The following ATP10D variants were observed in gnomAD, a reference collection of about 807,000 sequenced individuals.
The protein encoded by ATP10D is ATPase phospholipid transporting 10D (putative), also known as phospholipid-transporting ATPase VD.
A neutral mutation model predicts 144.8 loss-of-function variants in ATP10D; 89 were observed. The ratio of observed to expected loss-of-function variants is 0.61; its 90% CI spans 0.52 to 0.73. The LOEUF is 0.73. Among genes scored for constraint, ATP10D ranks in the 30% least tolerant of loss-of-function variants. The pLI is 0.00. For missense variants in ATP10D, 1,603 were observed against 1,714.8 expected, an observed-to-expected ratio of 0.93 and a Z score of 1.15; for synonymous variants, 571 against 615.1, an observed-to-expected ratio of 0.93 and a Z score of 1.06.
chr4:47,517,381 A>G (rs992182452), intron 3 of ATP10D, among the ~76,000 whole-genome samples: 2 of 152,190 alleles, frequency 1.3e-5, no homozygotes, highest in Non-Finnish European at 2.9e-5. Flanking sequence ...TGGCCACTAC[A>G]CTCCAATCCG....
intron 1 of ATP10D, among the ~76,000 whole-genome samples, chr4:47,504,860 A>G (rs1715935814): frequency 6.6e-6 from 1 of 152,234 alleles, no homozygotes; most frequent in Admixed American, 6.5e-5. Flanking sequence ...AAATCCATAG[A>G]TACGAAATTT....
intron 21 of ATP10D, among the ~76,000 whole-genome samples, chr4:47,586,403 G>A (rs1720794399): frequency 6.6e-6 from 1 of 152,224 alleles, no homozygotes; most frequent in African/African-American, 2.4e-5. Flanking sequence ...TCCTCTCAGA[G>A]AACTTCTTGG....
At chr4:47,491,353 G>T in intron 1 of ATP10D, 1 of 754,652 alleles carries the variant, frequency 1.3e-6, no homozygotes, top group Non-Finnish European at 2.4e-6. Flanking sequence ...CCAATATCAC[G>T]TCTCTTATAG....
At position 47,535,607 on chromosome 4, in the gene ATP10D, T is replaced by C. The variant is rs776638541; in HGVS notation, c.875T>C (p.Val292Ala). 11 of 1,610,300 alleles carry C rather than the reference T, an allele frequency of 6.8e-6. No homozygotes were observed. The highest frequency in any genetic ancestry group is 2.7e-5 in the African/African-American group (2 of 74,680). ...RNTEAVVGIVVYAGHETKAML... is the reference protein window; with the variant it reads ...RNTEAVVGIVAYAGHETKAML... ...ACAGAGGCTGTTGTGGGCATTGTGGTTTATGCAGGTCGGTTATGTTTCTAA... is the reference window on the plus strand; with the variant it reads ...ACAGAGGCTGTTGTGGGCATTGTGGCTTATGCAGGTCGGTTATGTTTCTAA... The change falls in exon 6 of 23, where the codon GTT becomes GCT. Residue 292 changes from valine (V) to alanine (A), a missense_variant. Physicochemically the swap from Val to Ala is moderately conservative, Grantham distance 64 (BLOSUM62 0). Coordinates refer to ENST00000273859, the MANE Select transcript of ATP10D (RefSeq NM_020453.4).
chr4:47,565,059 C>T (rs1234247217), intron 15 of ATP10D, among the ~76,000 whole-genome samples: 2 of 152,182 alleles, frequency 1.3e-5, no homozygotes, highest in Non-Finnish European at 2.9e-5. Flanking sequence ...CCCGGGTTCA[C>T]GCCATTCTCC....
intron 11 of ATP10D, among the ~76,000 whole-genome samples, chr4:47,555,950 C>T (rs1577680033): frequency 1.3e-5 from 2 of 152,242 alleles, no homozygotes; most frequent in East Asian, 3.9e-4. Context: ...GACAGGGTTT[C>T]ACCATGTTGG....
chr4:47,502,543 A>G (rs1167690876), intron 1 of ATP10D, among the ~76,000 whole-genome samples: 1 of 149,522 alleles, frequency 6.7e-6, no homozygotes, highest in African/African-American at 2.4e-5. Context: ...TGGACCATCC[A>G]TAAAATATAT....
In ATP10D at chr4:47,568,991, C is replaced by T. The variant is rs1231349219; in HGVS notation, c.3008C>T (p.Thr1003Ile). The change falls in exon 16 of 23, where the codon ACC (threonine) becomes ATC (isoleucine). Residue 1003 changes from threonine (T) to isoleucine (I), a missense_variant. Transcript: ENST00000273859. ...LRAGLIITGK[T>I]LEFALQESLQ... ...GCTGGACTCATTATCACTGGGAAGA[C>T]CCTGGAGTTTGCCCTGCAAGAAAGT... is the stretch of plus-strand genomic sequence containing the variant. 3 of 1,614,190 alleles carry T rather than the reference C, an allele frequency of 1.9e-6. No individual in the cohort carries two copies. The highest frequency in any genetic ancestry group is 1.7e-5 in the Admixed American group (1 of 60,030).
At chr4:47,534,498 G>A (rs748370212) in intron 5 of ATP10D, among the ~76,000 whole-genome samples, 1 of 152,154 alleles carries the variant, frequency 6.6e-6, no homozygotes, top group Non-Finnish European at 1.5e-5. Context: ...TTAAGCGCCT[G>A]TAGGGCCATG....
intron 18 of ATP10D, 33 bp downstream of exon 18, chr4:47,573,030 C>T (rs372903261): frequency 1.7e-5 from 27 of 1,608,220 alleles, no homozygotes; most frequent in African/African-American, 1.2e-4. Context: ...TCCCTTTTCC[C>T]TTCGTACCTT....
chr4:47,558,856 GT>G (rs1167097938), intron 12 of ATP10D, 66 bp from the exon 13 acceptor site: 1 of 1,310,668 alleles, frequency 7.6e-7, no homozygotes, highest in East Asian at 2.3e-5. Flanking sequence ...AACTACTATT[GT>G]TTTAAAAAGT....
Position 47,512,647 on chromosome 4 carries a change from G to A in ATP10D, c.107G>A (p.Cys36Tyr). 1 of 1,614,168 alleles carries A rather than the reference G, an allele frequency of 6.2e-7. No homozygotes were observed. The change falls in exon 2 of 23, where the codon TGT becomes TAT. Residue 36 changes from cysteine (C) to tyrosine (Y), a missense_variant. Cys to Tyr is a radical substitution (Grantham distance 194, BLOSUM62 -2). Coordinates refer to ENST00000273859, the MANE Select transcript of ATP10D (RefSeq NM_020453.4). ...TACAACTATTCCTCGTTGCTCGCCT[G>A]TGGGCGCAAGTCCTCTCAGACCCCT... is the stretch of plus-strand genomic sequence containing the variant. ...GPYNYSSLLACGRKSSQTPKL... is the reference protein window; with the variant it reads ...GPYNYSSLLAYGRKSSQTPKL...
intron 22 of ATP10D, 65 bp from the exon 23 acceptor site, chr4:47,590,975 TTG>T: frequency 9.5e-7 from 1 of 1,051,442 alleles, no homozygotes; most frequent in Non-Finnish European, 1.3e-6. Flanking sequence ...TCGTTAGTAT[TTG>T]GGGGGGGGGG....
At position 47,572,787 on chromosome 4, in the gene ATP10D, C is replaced by T. The variant is rs1230708623; in HGVS notation, c.3241-85C>T. Reference sequence around the variant, plus strand: ...GGTCAGAAGAAGGTAGAATATGAGGCCTAGGGTTTCCCAAGAATTGTGCTG... The same window carrying T: ...GGTCAGAAGAAGGTAGAATATGAGGTCTAGGGTTTCCCAAGAATTGTGCTG... On this transcript the variant is annotated intron_variant, in intron 17 of 22. Coordinates refer to ENST00000273859, the MANE Select transcript of ATP10D (RefSeq NM_020453.4). 4.0e-5 allele frequency: 62 copies of T among 1,555,154 alleles called. No homozygotes were observed. The East Asian group carries it at 1.2e-3, about 31-fold the overall frequency.
chr4:47,539,500 A>G (rs999322048), intron 9 of ATP10D, among the ~76,000 whole-genome samples: 3 of 152,086 alleles, frequency 2.0e-5, no homozygotes, highest in African/African-American at 7.2e-5. Context: ...ACATATGTAT[A>G]TGTTTTTGTT....
Position 47,523,051 on chromosome 4 carries a change from T to C in ATP10D, c.525T>C (p.Val175=), listed in dbSNP as rs752951026. The C allele has an allele frequency of 3.1e-6, 5 of 1,613,768 alleles. No individual in the cohort carries two copies. In the Admixed American group the frequency reaches 6.7e-5, roughly 22 times the overall value. Residue 175 remains valine (V), a synonymous_variant, in exon 4 of 23, where the codon GTT becomes GTC. Coordinates refer to ENST00000273859, the MANE Select transcript of ATP10D (RefSeq NM_020453.4). The stretch of plus-strand genomic sequence containing the variant: ...ACATTGACCGATGCTGGAAAGACGT[T>C]ACTGTTGGGGACTTTATTCGCCTCT... The part of the protein sequence containing the change: ...KKYIDRCWKD[V]TVGDFIRLSC...
At chr4:47,514,030 G>C (rs1716500896) in intron 2 of ATP10D, among the ~76,000 whole-genome samples, 1 of 152,210 alleles carries the variant, frequency 6.6e-6, no homozygotes, top group Admixed American at 6.5e-5. Flanking sequence ...ATGTTGAGCT[G>C]TGATGACCAG....
intron 15 of ATP10D, among the ~76,000 whole-genome samples, chr4:47,564,292 T>G (rs993101192): frequency 2.0e-5 from 3 of 152,146 alleles, no homozygotes; most frequent in African/African-American, 7.2e-5. Context: ...ATTATAATGA[T>G]TCAGAGGAAT....
chr4:47,565,639 C>A (rs1244942803), intron 15 of ATP10D, among the ~76,000 whole-genome samples: 1 of 151,696 alleles, frequency 6.6e-6, no homozygotes, highest in Non-Finnish European at 1.5e-5. Flanking sequence ...TAATGCGGTG[C>A]CTATCAGATG....
Sources: gnomAD v4.1 joint callset for allele counts (sites outside exome capture counted in the v4.1 genomes callset) on GRCh38, gnomAD v4.1.1 for gene constraint, MANE v1.5 for transcripts, NCBI Gene and HGNC (gene_info 2026-07-23, HGNC 2026-07-21) for gene names.